Variants in ADGRV1 observed in about 807,000 individuals in gnomAD.
ADGRV1 encodes the protein G-protein coupled receptor 98.
A neutral mutation model predicts 596.2 loss-of-function variants in ADGRV1; 359 were observed. The observed-to-expected ratio is 0.60, with a 90% CI of 0.55 to 0.66. The LOEUF (loss-of-function observed/expected upper bound fraction) is 0.66, where lower values mean the gene tolerates loss of function less well. Among genes scored for constraint, ADGRV1 ranks in the 30% least tolerant of loss-of-function variants. The pLI is 0.00. For missense variants in ADGRV1, 7,274 were observed against 7,575.6 expected (o/e 0.96, Z 1.48); for synonymous variants, 2,681 against 2,679.2 (o/e 1.00, Z -0.02).
intron 83 of ADGRV1, among the ~76,000 whole-genome samples, chr5:90,952,663 G>T (rs1373046708): frequency 2.6e-5 from 4 of 152,056 alleles, no homozygotes; most frequent in Admixed American, 1.3e-4. Flanking sequence ...TTTCTGTTTG[G>T]GACTTGAACT....
chr5:90,917,730 G>A (rs999441614), intron 83 of ADGRV1, among the ~76,000 whole-genome samples: 1 of 152,092 alleles, frequency 6.6e-6, no homozygotes. Context: ...TACAGAAAGC[G>A]TGCTACCAAG....
chr5:90,835,897 A>C (rs540496849), intron 77 of ADGRV1, among the ~76,000 whole-genome samples: 100 of 152,366 alleles, frequency 6.6e-4, no homozygotes, highest in African/African-American at 2.3e-3. Flanking sequence ...AAAGGAAAGA[A>C]CTTTGGAACA....
intron 1 of ADGRV1, among the ~76,000 whole-genome samples, chr5:90,605,120 G>C (rs1187415489): frequency 1.3e-5 from 2 of 152,154 alleles, no homozygotes; most frequent in African/African-American, 4.8e-5. Context: ...AAAGAAGATA[G>C]AAATCAGAAG....
Position 90,652,405 on chromosome 5 carries a change from A to C in ADGRV1, c.3476A>C (p.Asn1159Thr), listed in dbSNP as rs773762267. The change falls in exon 19 of 90, where the codon AAT (asparagine) becomes ACT (threonine). Residue 1159 changes from asparagine (N) to threonine (T), a missense_variant. Asn to Thr is a moderately conservative substitution (Grantham distance 65). Coordinates refer to ENST00000405460, the MANE Select transcript of ADGRV1 (RefSeq NM_032119.4). Reference protein sequence around the residue: ...SVSVSWQLFQNDSALQPGQEF... With the variant: ...SVSVSWQLFQTDSALQPGQEF... ...TCTGTATCTTGGCAGCTCTTTCAGA[A>C]TGATTCTGCTTTGCAGCCTGGGCAG... is the stretch of plus-strand genomic sequence containing the variant. The C allele has an allele frequency of 6.2e-7, 1 of 1,611,754 alleles. No individual in the cohort carries two copies. The highest frequency in any genetic ancestry group is 8.5e-7 in the Non-Finnish European group (1 of 1,178,898).
intron 83 of ADGRV1, among the ~76,000 whole-genome samples, chr5:90,909,421 G>A (rs1772639476): frequency 6.6e-6 from 1 of 152,070 alleles, no homozygotes; most frequent in Non-Finnish European, 1.5e-5. Flanking sequence ...TTGCCTGGCT[G>A]AAGTCTGAAG....
In ADGRV1 at chr5:90,689,876, T is replaced by C; in HGVS notation, c.6506T>C (p.Ile2169Thr). 6.2e-7 allele frequency: 1 copy of C among 1,611,924 alleles called. No individual in the cohort carries two copies. Among genetic ancestry groups the C allele is most frequent in the Non-Finnish European group, 8.5e-7 (1 of 1,178,488 alleles). Residue 2169 changes from isoleucine to threonine, a missense_variant, in exon 30 of 90, where the codon ATA becomes ACA. By Grantham distance (89) the Ile-to-Thr change is moderately conservative. Coordinates refer to ENST00000405460, the MANE Select transcript of ADGRV1 (RefSeq NM_032119.4). The stretch of plus-strand genomic sequence containing the variant: ...GTCTTTTCAGGTGAAGATTATAGTA[T>C]AGCTTCATCAGATGTGGTCTTGCTA... Reference protein sequence around the residue: ...ITAIAGEDYSIASSDVVLLEG... With the variant: ...ITAIAGEDYSTASSDVVLLEG...
At chr5:90,733,031 T>A (rs1752752850) in intron 50 of ADGRV1, among the ~76,000 whole-genome samples, 1 of 152,176 alleles carries the variant, frequency 6.6e-6, no homozygotes, top group East Asian at 1.9e-4. Flanking sequence ...GTGTATAGAA[T>A]ATGCTGGATG....
At chr5:90,750,843 A>T in intron 53 of ADGRV1, 146 bp downstream of exon 53, 1 of 570,952 alleles carries the variant, frequency 1.8e-6, no homozygotes, top group Non-Finnish European at 2.9e-6. Flanking sequence ...GAGGGATACA[A>T]TTTAAGGTTA....
rs773389572 is a variant in ADGRV1 at position 90,810,572 on chromosome 5, GT to G, written c.15315del (p.Phe5105LeufsTer9). The G allele has an allele frequency of 6.2e-7, 1 of 1,613,952 alleles. No individual in the cohort carries two copies. The highest frequency in any genetic ancestry group is 1.1e-5 in the South Asian group (1 of 91,082). ...TSVEIRGLQK[F>X]DVNWSPRLNL... Reference sequence around the variant, plus strand: ...CAGTAGAAATTAGGGGATTACAAAAGTTTGATGTTAATTGGAGCCCACGCCT... The same window carrying G: ...CAGTAGAAATTAGGGGATTACAAAAGTTGATGTTAATTGGAGCCCACGCCT... On this transcript the variant is annotated frameshift_variant, in exon 74 of 90. Coordinates refer to ENST00000405460, the MANE Select transcript of ADGRV1 (RefSeq NM_032119.4). LOFTEE classifies it high-confidence loss of function.
At chr5:91,058,812 G>A (rs1787141457) in intron 85 of ADGRV1, among the ~76,000 whole-genome samples, 1 of 152,076 alleles carries the variant, frequency 6.6e-6, no homozygotes, top group South Asian at 2.1e-4. Flanking sequence ...ACGTGCTGTG[G>A]ACACAGGCAG....
rs1774542805 is a variant in ADGRV1 at position 90,926,928 on chromosome 5, A to G, written c.17857-38487A>G. Among the ~76,000 whole-genome samples, 18 of 152,052 alleles carry G rather than the reference A, an allele frequency of 1.2e-4. No individual in the cohort carries two copies. The South Asian group carries it at 3.7e-3, about 32-fold the overall frequency. On this transcript the variant is annotated intron_variant, in intron 83 of 89. Coordinates refer to ENST00000405460, the MANE Select transcript of ADGRV1 (RefSeq NM_032119.4). ...TTCAGGAGCAGGTTGTTCAGTTTCC[A>G]TGTAGTTGAGCGGTTGTGAGTGAGA...
At chr5:90,710,626 A>G (rs1286592635) in intron 39 of ADGRV1, among the ~76,000 whole-genome samples, 3 of 151,856 alleles carry the variant, frequency 2.0e-5, no homozygotes, top group Non-Finnish European at 4.4e-5. Flanking sequence ...ACTCCTTCCA[A>G]CTGTCCCCAT....
chr5:90,566,548 T>G (rs1052391788), intron 1 of ADGRV1, among the ~76,000 whole-genome samples: 1 of 152,120 alleles, frequency 6.6e-6, no homozygotes, highest in African/African-American at 2.4e-5. Context: ...TTTTACATAT[T>G]TTGTTAAATT....
chr5:90,648,098 C>G lies in ADGRV1; in HGVS notation c.3289+334C>G, dbSNP rs150226115. On this transcript the variant is annotated intron_variant, in intron 17 of 89. Transcript: ENST00000405460. ...CCCTAGGTATTGCTTAGTCACCCAG[C>G]GACTTAAGGGATAGGTATCCTGTAG... Among the ~76,000 whole-genome samples the G allele has an allele frequency of 6.5e-3, 993 of 152,222 alleles. 9 individuals carry two copies. Among genetic ancestry groups the G allele is most frequent in the African/African-American group, 0.021 (893 of 41,540 alleles).
In ADGRV1 at chr5:90,710,978, A is replaced by C; in HGVS notation, c.8825-3A>C. 4 of 1,581,032 alleles carry C rather than the reference A, an allele frequency of 2.5e-6. No individual in the cohort carries two copies. Among genetic ancestry groups the C allele is most frequent in the Non-Finnish European group, 3.5e-6 (4 of 1,153,424 alleles). On this transcript the variant is annotated splice_polypyrimidine_tract_variant and splice_region_variant and intron_variant, in intron 39 of 89. Transcript: ENST00000405460. ...TTTAAGATATGCTTCTATGTTTTTT[A>C]AGATTCAGAAGGTTTGACTGCACAA...
At chr5:90,900,623 T>G (rs866990539) in intron 83 of ADGRV1, among the ~76,000 whole-genome samples, 4 of 152,306 alleles carry the variant, frequency 2.6e-5, no homozygotes, top group African/African-American at 7.2e-5. Context: ...TACCTGCATT[T>G]CTTTGCCGCA....
intron 85 of ADGRV1, among the ~76,000 whole-genome samples, chr5:91,003,352 C>T (rs1021301748): frequency 1.3e-5 from 2 of 152,160 alleles, no homozygotes; most frequent in African/African-American, 4.8e-5. Flanking sequence ...ATAGGTAGCA[C>T]AGCTAGAATT....
intron 85 of ADGRV1, among the ~76,000 whole-genome samples, chr5:91,069,021 G>A (rs1788140267): frequency 1.3e-5 from 2 of 152,148 alleles, no homozygotes; most frequent in Admixed American, 1.3e-4. Context: ...CTGCAAAGCT[G>A]ACAAGAACAA....
At chr5:90,765,464 CACACACAA>C (rs1313242544) in intron 59 of ADGRV1, among the ~76,000 whole-genome samples, 1 of 148,028 alleles carries the variant, frequency 6.8e-6, no homozygotes, top group African/African-American at 2.6e-5. Flanking sequence ...CACACACACA[CACACACAA>C]ACTCTAGATA....
Sources: allele counts gnomAD v4.1 joint callset (sites outside exome capture counted in the v4.1 genomes callset), GRCh38; gene constraint gnomAD v4.1.1; transcripts MANE v1.5; gene names NCBI Gene and HGNC (gene_info 2026-07-23, HGNC 2026-07-21).